The following ZNF804A variants were observed in gnomAD, a reference collection of about 807,000 sequenced individuals.
ZNF804A encodes zinc finger protein 804A.
In ZNF804A, 2 loss-of-function variants were observed where a neutral mutation model predicts 16.5. The observed-to-expected ratio is 0.12, with a 90% CI of 0.05 to 0.38. The LOEUF (loss-of-function observed/expected upper bound fraction) is 0.38. Ranked by LOEUF, ZNF804A falls within the 10% of genes least tolerant of loss-of-function variation. ZNF804A has a pLI of 0.99. For missense variants in ZNF804A, 1,473 were observed against 1,390.7 expected (o/e 1.06, Z -0.94); for synonymous variants, 534 against 489.6 (o/e 1.09, Z -1.20).
intron 1 of ZNF804A, among the ~76,000 whole-genome samples, chr2:184,744,707 C>A (rs1693761389): frequency 6.6e-6 from 1 of 151,800 alleles, no homozygotes; most frequent in Non-Finnish European, 1.5e-5. Flanking sequence ...AATATGGTTT[C>A]CTCTGAAAAG....
At chr2:184,669,559 T>C (rs1018592795) in intron 1 of ZNF804A, among the ~76,000 whole-genome samples, 1 of 152,142 alleles carries the variant, frequency 6.6e-6, no homozygotes, top group Non-Finnish European at 1.5e-5. Context: ...TGGTTCTTTA[T>C]ACATCCACTA....
intron 1 of ZNF804A, among the ~76,000 whole-genome samples, chr2:184,830,001 G>A (rs1471995208): frequency 2.7e-5 from 4 of 149,230 alleles, no homozygotes; most frequent in Non-Finnish European, 5.9e-5. Flanking sequence ...CAACTACTGG[G>A]GAGGCTTAGG....
At chr2:184,726,736 T>A (rs73978078) in intron 1 of ZNF804A, among the ~76,000 whole-genome samples, 10,585 of 151,578 alleles carry the variant, frequency 0.07, 1,264 homozygotes, top group African/African-American at 0.24. Context: ...ATTATTTAAA[T>A]ATATATCTTA....
intron 1 of ZNF804A, among the ~76,000 whole-genome samples, chr2:184,712,375 G>A (rs537009125): frequency 6.6e-6 from 1 of 151,726 alleles, no homozygotes; most frequent in South Asian, 2.1e-4. Flanking sequence ...TAGTCTGCAA[G>A]GTATTGCTAA....
chr2:184,919,558 T>C (rs1220877218), intron 2 of ZNF804A, among the ~76,000 whole-genome samples: 2 of 152,180 alleles, frequency 1.3e-5, no homozygotes, highest in Non-Finnish European at 2.9e-5. Flanking sequence ...AGCATTTATG[T>C]GGGACACAAA....
At position 184,836,235 on chromosome 2, in the gene ZNF804A, A is replaced by T. The variant is rs184167064; in HGVS notation, c.112-30134A>T. Among the ~76,000 whole-genome samples, 296 of 152,246 alleles carry T rather than the reference A, an allele frequency of 1.9e-3. 1 individual carries two copies. The highest frequency in any genetic ancestry group is 6.8e-3 in the African/African-American group (284 of 41,564). On this transcript the variant is annotated intron_variant, in intron 1 of 3. Transcript: ENST00000302277. Reference sequence around the variant, plus strand: ...TGGGGAAAGAGAAAAAGGATAGATAATGAGTGCCATTATGGCAGGGCCTGT... The same window carrying T: ...TGGGGAAAGAGAAAAAGGATAGATATTGAGTGCCATTATGGCAGGGCCTGT...
intron 1 of ZNF804A, among the ~76,000 whole-genome samples, chr2:184,612,277 T>A (rs1188630246): frequency 6.6e-6 from 1 of 152,122 alleles, no homozygotes; most frequent in African/African-American, 2.4e-5. Flanking sequence ...ATATCTGAGA[T>A]CCAAATTTTC....
chr2:184,868,503 TA>T (rs2105812265), intron 2 of ZNF804A, among the ~76,000 whole-genome samples: 1 of 152,036 alleles, frequency 6.6e-6, no homozygotes, highest in African/African-American at 2.4e-5. Flanking sequence ...GGGATGTGAT[TA>T]AAAAGAAAAA....
chr2:184,716,401 A>C (rs1693214477), intron 1 of ZNF804A, among the ~76,000 whole-genome samples: 1 of 152,060 alleles, frequency 6.6e-6, no homozygotes, highest in Non-Finnish European at 1.5e-5. Flanking sequence ...AATCAATGCA[A>C]TATTTACACA....
chr2:184,833,439 G>T (rs1463973377), intron 1 of ZNF804A, among the ~76,000 whole-genome samples: 1 of 152,024 alleles, frequency 6.6e-6, no homozygotes, highest in Non-Finnish European at 1.5e-5. Flanking sequence ...GCCACATGTG[G>T]CAGTTTAGCA....
intron 1 of ZNF804A, among the ~76,000 whole-genome samples, chr2:184,800,971 C>G (rs1458113967): frequency 6.6e-6 from 1 of 151,728 alleles, no homozygotes; most frequent in Non-Finnish European, 1.5e-5. Context: ...TTTTATTCTC[C>G]TTGAATAATT....
At chr2:184,913,130 A>G (rs1186393906) in intron 2 of ZNF804A, among the ~76,000 whole-genome samples, 1 of 152,042 alleles carries the variant, frequency 6.6e-6, no homozygotes. Context: ...GATGTTCAAT[A>G]CCATTCTTTT....
At chr2:184,708,379 A>G (rs1335722288) in intron 1 of ZNF804A, among the ~76,000 whole-genome samples, 1 of 152,128 alleles carries the variant, frequency 6.6e-6, no homozygotes, top group Non-Finnish European at 1.5e-5. Flanking sequence ...GAGGTATTAC[A>G]TTACCCAACC....
chr2:184,748,567 C>T (rs1693830277), intron 1 of ZNF804A, among the ~76,000 whole-genome samples: 1 of 151,124 alleles, frequency 6.6e-6, no homozygotes, highest in African/African-American at 2.4e-5. Context: ...TTTTCTCCCA[C>T]CCTACAGATT....
At chr2:184,677,575 T>G (rs1328776276) in intron 1 of ZNF804A, among the ~76,000 whole-genome samples, 1 of 152,016 alleles carries the variant, frequency 6.6e-6, no homozygotes, top group Non-Finnish European at 1.5e-5. Context: ...CATAAATTGA[T>G]CTAATGACTC....
intron 1 of ZNF804A, among the ~76,000 whole-genome samples, chr2:184,730,761 T>C (rs1173204026): frequency 3.9e-5 from 6 of 152,286 alleles, no homozygotes; most frequent in Admixed American, 2.6e-4. Flanking sequence ...CATGGTTTAT[T>C]TGTCTATTCA....
intron 2 of ZNF804A, among the ~76,000 whole-genome samples, chr2:184,907,065 A>G (rs1287293928): frequency 6.6e-6 from 1 of 152,190 alleles, no homozygotes; most frequent in Non-Finnish European, 1.5e-5. Context: ...GCTCAGAAAC[A>G]GATATTTCTC....
chr2:184,882,553 C>A (rs1418062323), intron 2 of ZNF804A, among the ~76,000 whole-genome samples: 1 of 151,774 alleles, frequency 6.6e-6, no homozygotes, highest in African/African-American at 2.4e-5. Flanking sequence ...TAAAACAATG[C>A]TCAGCAAATT....
chr2:184,659,223 T>C (rs1481787193), intron 1 of ZNF804A, among the ~76,000 whole-genome samples: 1 of 152,176 alleles, frequency 6.6e-6, no homozygotes, highest in African/African-American at 2.4e-5. Flanking sequence ...TCTGGGCTTA[T>C]TACTACAGAG....
Sources: gnomAD v4.1 joint callset for allele counts (sites outside exome capture counted in the v4.1 genomes callset) on GRCh38, gnomAD v4.1.1 for gene constraint, MANE v1.5 for transcripts, NCBI Gene and HGNC (gene_info 2026-07-23, HGNC 2026-07-21) for gene names.